CSMD1: variants seen among roughly 807,000 people sequenced by gnomAD.
The protein encoded by CSMD1 is CUB and sushi domain-containing protein 1.
Under a neutral mutation model 417.5 loss-of-function variants are expected in CSMD1, and 213 were observed. The ratio of observed to expected loss-of-function variants is 0.51; its 90% CI spans 0.46 to 0.57. The LOEUF (loss-of-function observed/expected upper bound fraction) is 0.57. CSMD1 is among the 20% of genes least tolerant of loss of function. The probability of loss-of-function intolerance (pLI) is 0.00; values close to 1 mark genes in which losing one functional copy is unlikely to be tolerated. For missense variants in CSMD1, 6,923 were observed against 4,529.7 expected (o/e 1.53, Z -15.17); for synonymous variants, 2,862 against 1,736.8 (o/e 1.65, Z -16.11).
chr8:3,781,645 C>T (rs1432912984), intron 5 of CSMD1, among the ~76,000 whole-genome samples: 1 of 152,132 alleles, frequency 6.6e-6, no homozygotes, highest in Admixed American at 6.5e-5. Flanking sequence ...GATGATTGTC[C>T]CTGTGATGTG....
At chr8:4,384,854 G>C (rs549571911) in intron 3 of CSMD1, among the ~76,000 whole-genome samples, 1 of 151,756 alleles carries the variant, frequency 6.6e-6, no homozygotes, top group Non-Finnish European at 1.5e-5. Flanking sequence ...GCTACTGTTT[G>C]ATCTTAACAA....
chr8:3,729,473 G>A (rs1007495589), intron 6 of CSMD1, among the ~76,000 whole-genome samples: 4 of 152,182 alleles, frequency 2.6e-5, no homozygotes, highest in Non-Finnish European at 4.4e-5. Context: ...TCAAGTGCTT[G>A]AACATAGAGG....
chr8:3,698,320 T>C (rs892484483), intron 7 of CSMD1, among the ~76,000 whole-genome samples: 1 of 152,254 alleles, frequency 6.6e-6, no homozygotes, highest in Non-Finnish European at 1.5e-5. Context: ...GATGGGTCTT[T>C]GCTAAGAAAA....
At position 3,816,128 on chromosome 8, in the gene CSMD1, C is replaced by G. The variant is rs151122055; in HGVS notation, c.819-62086G>C. On this transcript the variant is annotated intron_variant, in intron 5 of 69. Coordinates refer to ENST00000635120, the MANE Select transcript of CSMD1 (RefSeq NM_033225.6). ...GTCTCTATCTCATTAACACAACAAT[C>G]GCAGGCTCAGTCTCAAAGAAAACAA... Among the ~76,000 whole-genome samples, 8 of 152,286 alleles carry G rather than the reference C, an allele frequency of 5.3e-5. No homozygotes were observed. The East Asian group carries it at 1.2e-3, about 22-fold the overall frequency.
At chr8:3,236,818 T>A (rs183954744) in intron 26 of CSMD1, among the ~76,000 whole-genome samples, 2 of 152,322 alleles carry the variant, frequency 1.3e-5, no homozygotes, top group Admixed American at 1.3e-4. Flanking sequence ...CATTTTCAGT[T>A]GCATCCATCT....
At chr8:4,770,516 G>T (rs943387343) in intron 1 of CSMD1, among the ~76,000 whole-genome samples, 1 of 151,026 alleles carries the variant, frequency 6.6e-6, no homozygotes, top group African/African-American at 2.4e-5. Context: ...AAGCAATTCT[G>T]AGAAAAAAAT....
chr8:4,225,345 C>T (rs1410984828), intron 3 of CSMD1, among the ~76,000 whole-genome samples: 3 of 151,980 alleles, frequency 2.0e-5, no homozygotes, highest in Admixed American at 6.6e-5. Context: ...TAATTTCCAC[C>T]TAAAATATGT....
chr8:4,620,802 C>A (rs2616977), intron 2 of CSMD1, among the ~76,000 whole-genome samples: 3 of 151,248 alleles, frequency 2.0e-5, no homozygotes, highest in South Asian at 2.1e-4. Flanking sequence ...AAAGAGAGAG[C>A]CAAATTAGTG....
intron 26 of CSMD1, among the ~76,000 whole-genome samples, chr8:3,231,371 A>C (rs567292267): frequency 6.6e-6 from 1 of 151,176 alleles, no homozygotes; most frequent in African/African-American, 2.4e-5. Context: ...ATGAAAGAGC[A>C]AAAAAAAAGA....
At chr8:4,892,984 G>C (rs1804224618) in intron 1 of CSMD1, among the ~76,000 whole-genome samples, 1 of 152,042 alleles carries the variant, frequency 6.6e-6, no homozygotes. Context: ...CAAGGAATAC[G>C]CTTGCACGGT....
chr8:4,005,865 C>G (rs1481855783), intron 4 of CSMD1, among the ~76,000 whole-genome samples: 1 of 152,184 alleles, frequency 6.6e-6, no homozygotes, highest in Non-Finnish European at 1.5e-5. Flanking sequence ...CCCTGGTCCC[C>G]ATGAACAGGA....
At chr8:4,047,710 G>C (rs1563362089) in intron 3 of CSMD1, among the ~76,000 whole-genome samples, 1 of 152,076 alleles carries the variant, frequency 6.6e-6, no homozygotes, top group South Asian at 2.1e-4. Flanking sequence ...TAATAGCTCA[G>C]TGGATTTTAA....
chr8:3,416,689 C>T (rs1238485681), intron 12 of CSMD1, among the ~76,000 whole-genome samples: 2 of 152,136 alleles, frequency 1.3e-5, no homozygotes. Context: ...CCTGCTAACA[C>T]CATTTCTCAT....
intron 5 of CSMD1, among the ~76,000 whole-genome samples, chr8:3,762,016 G>T (rs1350040110): frequency 6.6e-6 from 1 of 151,974 alleles, no homozygotes; most frequent in African/African-American, 2.4e-5. Context: ...TCTAGCCACG[G>T]CCTTTAGCTT....
chr8:3,370,273 G>C (rs747674815), intron 18 of CSMD1, among the ~76,000 whole-genome samples: 15 of 152,142 alleles, frequency 9.9e-5, no homozygotes, highest in Non-Finnish European at 2.1e-4. Context: ...ATGAATGGAA[G>C]CACTGAACTG....
chr8:3,331,067 T>C (rs1383825508), intron 23 of CSMD1, among the ~76,000 whole-genome samples: 2 of 151,888 alleles, frequency 1.3e-5, no homozygotes, highest in African/African-American at 2.4e-5. Context: ...TGAAACCCCA[T>C]CTCTACTAAA....
At chr8:3,040,590 G>T (rs1431365620) in intron 50 of CSMD1, among the ~76,000 whole-genome samples, 2 of 151,784 alleles carry the variant, frequency 1.3e-5, no homozygotes, top group Non-Finnish European at 2.9e-5. Context: ...GGATCACGAG[G>T]TCAGGAGTTC....
intron 10 of CSMD1, chr8:3,515,202 G>A (rs1044500580): frequency 2.0e-5 from 3 of 152,136 alleles, no homozygotes; most frequent in African/African-American, 7.2e-5. Flanking sequence ...AAGATTTGAG[G>A]AAATTAAATG....
At chr8:3,424,700 T>C (rs139110191) in intron 12 of CSMD1, among the ~76,000 whole-genome samples, 1 of 152,252 alleles carries the variant, frequency 6.6e-6, no homozygotes, top group Non-Finnish European at 1.5e-5. Context: ...TTGCCATTTC[T>C]ATCAGGAAGG....
Sources: gnomAD v4.1 joint callset for allele counts (sites outside exome capture counted in the v4.1 genomes callset) on GRCh38, gnomAD v4.1.1 for gene constraint, MANE v1.5 for transcripts, NCBI Gene and HGNC (gene_info 2026-07-23, HGNC 2026-07-21) for gene names.